Variants in ARSJ observed in about 807,000 individuals in gnomAD.
The protein encoded by ARSJ is arylsulfatase family member J, also known as arylsulfatase J.
In ARSJ, 26 loss-of-function variants were observed where a neutral mutation model predicts 35.9. That is an observed-to-expected ratio of 0.72 (90% CI 0.53 to 1.00). The LOEUF is 1.00. ARSJ is among the 50% of genes least tolerant of loss of function. The probability of loss-of-function intolerance (pLI) is 0.00; values close to 1 mark genes in which losing one functional copy is unlikely to be tolerated. For synonymous variants in ARSJ, 294 were observed against 267.6 expected (o/e 1.10, Z -0.96); for missense variants, 667 against 723.6 (o/e 0.92, Z 0.90).
Position 113,902,366 on chromosome 4 carries a change from C to A in ARSJ, c.1708G>T (p.Glu570Ter). 1 of 1,613,598 alleles carries A rather than the reference C, an allele frequency of 6.2e-7. No homozygotes were observed. The highest frequency in any genetic ancestry group is 8.5e-7 in the Non-Finnish European group (1 of 1,179,766). ...TTTTTGCTTTTCTTTTGCTTTTTCT[C>A]AGCCTGATTTTTGCTTGGCTTCTTT... ...KKKKPSKNQA[E>*]KKQKKSKKKK... Residue 570 changes from glutamate (E) to a stop codon, truncating the protein, a stop_gained, in exon 2 of 2, where the codon GAG (glutamate) becomes TAG (stop). Coordinates refer to ENST00000315366, the MANE Select transcript of ARSJ (RefSeq NM_024590.4). LOFTEE classifies it low-confidence loss of function (END_TRUNC).
At position 113,917,230 on chromosome 4, in the gene ARSJ, C is replaced by T. The variant is rs141142773; in HGVS notation, c.399-13555G>A. Among the ~76,000 whole-genome samples, 727 of 152,172 alleles carry T rather than the reference C, an allele frequency of 4.8e-3. 11 individuals carry two copies. The highest frequency in any genetic ancestry group is 0.017 in the African/African-American group (699 of 41,522). Reference sequence around the variant, plus strand: ...TTGCTTCTCTTAGTGCCTGTTGCCCCCTTTCCTGTACCAATGAGAGGAATC... The same window carrying T: ...TTGCTTCTCTTAGTGCCTGTTGCCCTCTTTCCTGTACCAATGAGAGGAATC... On this transcript the variant is annotated intron_variant, in intron 1 of 1. Transcript: ENST00000315366.
At chr4:113,949,427 C>T (rs1475671729) in intron 1 of ARSJ, among the ~76,000 whole-genome samples, 1 of 151,932 alleles carries the variant, frequency 6.6e-6, no homozygotes, top group African/African-American at 2.4e-5. Flanking sequence ...TGGTGAGTAC[C>T]AGAGACTATC....
At chr4:113,977,302 A>G (rs1727646510) in intron 1 of ARSJ, among the ~76,000 whole-genome samples, 1 of 152,334 alleles carries the variant, frequency 6.6e-6, no homozygotes, top group South Asian at 2.1e-4. Flanking sequence ...AGGGAAGGAC[A>G]ATAATTTTTT....
chr4:113,959,298 T>C (rs976186941), intron 1 of ARSJ, among the ~76,000 whole-genome samples: 1 of 152,004 alleles, frequency 6.6e-6, no homozygotes, highest in Non-Finnish European at 1.5e-5. Context: ...CCTCTAAATA[T>C]GCATGACATT....
chr4:113,930,942 G>T (rs1030516682), intron 1 of ARSJ, among the ~76,000 whole-genome samples: 1 of 149,644 alleles, frequency 6.7e-6, no homozygotes, highest in African/African-American at 2.5e-5. Flanking sequence ...ACCAAACACC[G>T]CATATTCTCA....
rs1426602931 is a variant in ARSJ, at chr4:113,902,889, G to A, written c.1185C>T (p.Asp395=). The A allele has an allele frequency of 6.2e-7, 1 of 1,614,150 alleles. No homozygotes were observed. Among genetic ancestry groups the A allele is most frequent in the Non-Finnish European group, 8.5e-7 (1 of 1,180,020 alleles). ...AGATATCATAGCCATCTAGTTGAATGTCCTCATCAATCTGTCCTTCAGCCA... is the reference window on the plus strand; with the variant it reads ...AGATATCATAGCCATCTAGTTGAATATCCTCATCAATCTGTCCTTCAGCCA... ...ISLAEGQIDE[D]IQLDGYDIWE... The change falls in exon 2 of 2, where the codon GAC becomes GAT. Residue 395 remains aspartate, a synonymous_variant. Transcript: ENST00000315366.
intron 1 of ARSJ, among the ~76,000 whole-genome samples, chr4:113,928,943 C>T (rs1274292133): frequency 6.6e-6 from 1 of 152,128 alleles, no homozygotes; most frequent in African/African-American, 2.4e-5. Context: ...GGAGATCAGG[C>T]ATTTCCAGCT....
At chr4:113,918,884 C>T (rs1006323240) in intron 1 of ARSJ, among the ~76,000 whole-genome samples, 1 of 151,996 alleles carries the variant, frequency 6.6e-6, no homozygotes, top group African/African-American at 2.4e-5. Context: ...CCCCAACCTC[C>T]CAGGCTTAAG....
chr4:113,928,340 C>G (rs1724211117), intron 1 of ARSJ, among the ~76,000 whole-genome samples: 1 of 152,148 alleles, frequency 6.6e-6, no homozygotes, highest in Non-Finnish European at 1.5e-5. Flanking sequence ...TCAAGAGGAA[C>G]TGGCTTCCCC....
intron 1 of ARSJ, among the ~76,000 whole-genome samples, chr4:113,967,536 CTT>C (rs1726971082): frequency 6.6e-6 from 1 of 152,142 alleles, no homozygotes; most frequent in Non-Finnish European, 1.5e-5. Context: ...GATCTACAGG[CTT>C]TAAGTAACCT....
chr4:113,900,394 T>G lies in ARSJ; in HGVS notation c.*1880A>C, dbSNP rs925113097. Reference sequence around the variant, plus strand: ...CTATAAAATAAAATGGAGCCATATATTCTAGAAATAAAATGTTAAAATTAA... The same window carrying G: ...CTATAAAATAAAATGGAGCCATATAGTCTAGAAATAAAATGTTAAAATTAA... On this transcript the variant is annotated 3_prime_UTR_variant, in exon 2 of 2. Transcript: ENST00000315366. The G allele has an allele frequency of 3.9e-5, 6 of 152,188 alleles. No individual in the cohort carries two copies. Among genetic ancestry groups the G allele is most frequent in the African/African-American group, 1.4e-4 (6 of 41,440 alleles). 9.4% of individuals were successfully genotyped at this position (152,188 alleles called of 1,614,324 possible). A position where few individuals can be genotyped will look rare whatever the true frequency, so the allele number is the denominator to read the frequency against.
intron 1 of ARSJ, among the ~76,000 whole-genome samples, chr4:113,968,276 T>G (rs1727018606): frequency 6.6e-6 from 1 of 152,158 alleles, no homozygotes; most frequent in Non-Finnish European, 1.5e-5. Context: ...ATATGAGAGA[T>G]ATGTATATAC....
At chr4:113,908,500 C>T (rs183934790) in intron 1 of ARSJ, among the ~76,000 whole-genome samples, 2 of 152,226 alleles carry the variant, frequency 1.3e-5, no homozygotes, top group Admixed American at 6.5e-5. Flanking sequence ...TATAAGACTA[C>T]ATAAATGGAT....
At chr4:113,953,877 A>C (rs564960056) in intron 1 of ARSJ, among the ~76,000 whole-genome samples, 1 of 152,156 alleles carries the variant, frequency 6.6e-6, no homozygotes, top group Admixed American at 6.6e-5. Flanking sequence ...TCAAGCGATA[A>C]GGTCCCTGAT....
At chr4:113,933,875 TG>T (rs1250866107) in intron 1 of ARSJ, among the ~76,000 whole-genome samples, 1 of 151,756 alleles carries the variant, frequency 6.6e-6, no homozygotes. Context: ...AACATAATAG[TG>T]GAAGTCCTGG....
At chr4:113,912,613 A>T (rs1278135983) in intron 1 of ARSJ, among the ~76,000 whole-genome samples, 1 of 152,130 alleles carries the variant, frequency 6.6e-6, no homozygotes, top group Non-Finnish European at 1.5e-5. Context: ...GTATTATTAC[A>T]TTTTTACAAA....
chr4:113,944,950 G>A (rs898597556), intron 1 of ARSJ, among the ~76,000 whole-genome samples: 1 of 151,842 alleles, frequency 6.6e-6, no homozygotes, highest in African/African-American at 2.4e-5. Context: ...ATTTGAATTT[G>A]TATTGGCATC....
intron 1 of ARSJ, among the ~76,000 whole-genome samples, chr4:113,976,392 G>A (rs1302019573): frequency 6.6e-6 from 1 of 152,028 alleles, no homozygotes; most frequent in East Asian, 1.9e-4. Flanking sequence ...TATTCTCTGG[G>A]ACCTGCATTA....
chr4:113,924,056 AATATATATAAATATATATAAAT>A (rs1723866630), intron 1 of ARSJ, among the ~76,000 whole-genome samples: 21 of 91,634 alleles, frequency 2.3e-4, no homozygotes, highest in African/African-American at 8.1e-4. Context: ...AATATATATA[AATATATATAAATATATATAAAT>A]ATATATATAT....
Sources: allele counts gnomAD v4.1 joint callset (sites outside exome capture counted in the v4.1 genomes callset), GRCh38; gene constraint gnomAD v4.1.1; transcripts MANE v1.5; gene names NCBI Gene and HGNC (gene_info 2026-07-23, HGNC 2026-07-21).